The following PPFIBP1 variants were observed in gnomAD, a reference collection of about 807,000 sequenced individuals.
The protein encoded by PPFIBP1 is PPFIB scaffold protein 1.
A neutral mutation model predicts 137.8 loss-of-function variants in PPFIBP1; 112 were observed. The observed-to-expected ratio is 0.81, with a 90% CI of 0.70 to 0.95. The LOEUF is 0.95. PPFIBP1 is among the 40% of genes least tolerant of loss of function. The pLI is 0.00. For missense variants in PPFIBP1, 1,083 were observed against 1,196.6 expected (o/e 0.91, Z 1.40); for synonymous variants, 378 against 417.3 (o/e 0.91, Z 1.15).
intron 1 of PPFIBP1, among the ~76,000 whole-genome samples, chr12:27,525,709 A>C (rs1565701798): frequency 6.6e-6 from 1 of 152,124 alleles, no homozygotes; most frequent in Admixed American, 6.5e-5. Flanking sequence ...GAGATGGAGA[A>C]AGAAAGAAGC....
At chr12:27,608,631 GAAC>G (rs1319610947) in intron 2 of PPFIBP1, 11 of 411,512 alleles carry the variant, frequency 2.7e-5, no homozygotes, top group Non-Finnish European at 5.1e-5. Context: ...AATATTTCTA[GAAC>G]TACTAAAAAA....
intron 1 of PPFIBP1, among the ~76,000 whole-genome samples, chr12:27,555,051 A>G (rs1389416349): frequency 2.0e-5 from 3 of 152,116 alleles, no homozygotes; most frequent in Admixed American, 2.0e-4. Flanking sequence ...TGGGGCGTGC[A>G]TTCTTGTTCG....
intron 2 of PPFIBP1, among the ~76,000 whole-genome samples, chr12:27,616,878 A>G (rs1456986867): frequency 6.6e-6 from 1 of 152,176 alleles, no homozygotes; most frequent in East Asian, 1.9e-4. Flanking sequence ...AGAGTTTTAT[A>G]GGAATTTTTA....
chr12:27,550,759 G>T (rs1027998812), intron 1 of PPFIBP1, among the ~76,000 whole-genome samples: 1 of 152,072 alleles, frequency 6.6e-6, no homozygotes, highest in Admixed American at 6.6e-5. Context: ...CCCCATACTT[G>T]GCTGATTTCA....
At chr12:27,645,659 A>G (rs1470834804) in intron 4 of PPFIBP1, among the ~76,000 whole-genome samples, 1 of 152,236 alleles carries the variant, frequency 6.6e-6, no homozygotes, top group African/African-American at 2.4e-5. Context: ...CTGCGCTACC[A>G]GGGGAAGTCA....
chr12:27,559,400 C>T (rs933908861), intron 1 of PPFIBP1, among the ~76,000 whole-genome samples: 4 of 152,142 alleles, frequency 2.6e-5, no homozygotes, highest in African/African-American at 9.7e-5. Flanking sequence ...AACTCCTGAC[C>T]TCGTGATCCA....
intron 2 of PPFIBP1, among the ~76,000 whole-genome samples, chr12:27,631,131 A>T (rs139972144): frequency 9.2e-5 from 14 of 152,290 alleles, no homozygotes; most frequent in African/African-American, 3.1e-4. Flanking sequence ...GTTATAAAAC[A>T]TTATCACATT....
chr12:27,580,908 C>CT (rs112914040), intron 2 of PPFIBP1, among the ~76,000 whole-genome samples: 35,784 of 146,070 alleles, frequency 0.24, 4,950 homozygotes, highest in African/African-American at 0.4. Context: ...ACATTATACT[C>CT]TTTTTTTTTT....
intron 1 of PPFIBP1, among the ~76,000 whole-genome samples, chr12:27,573,471 AAGG>A (rs2050302487): frequency 6.6e-6 from 1 of 152,168 alleles, no homozygotes; most frequent in South Asian, 2.1e-4. Context: ...GTCTTTAACA[AAGG>A]GTACAGAATG....
intron 10 of PPFIBP1, among the ~76,000 whole-genome samples, chr12:27,659,660 TAAA>T (rs60576797): frequency 6.7e-6 from 1 of 149,432 alleles, no homozygotes; most frequent in Non-Finnish European, 1.5e-5. Flanking sequence ...CCCCATCTCT[TAAA>T]AAAAAAAAAA....
At chr12:27,540,546 C>T (rs939066410) in intron 1 of PPFIBP1, among the ~76,000 whole-genome samples, 2 of 151,482 alleles carry the variant, frequency 1.3e-5, no homozygotes, top group African/African-American at 2.4e-5. Context: ...TCAATTTTGA[C>T]GAGCATTTGT....
intron 2 of PPFIBP1, chr12:27,584,502 ATG>A (rs2051480468): frequency 6.6e-6 from 1 of 152,218 alleles, no homozygotes; most frequent in African/African-American, 2.4e-5. Context: ...GAAGGTACTA[ATG>A]TGGGGGTTGC....
At position 27,670,782 on chromosome 12, in the gene PPFIBP1, AAAAAAAAAAAAAAAT is replaced by A. The variant is rs1314854545; in HGVS notation, c.1147-646_1147-632del. On this transcript the variant is annotated intron_variant, in intron 13 of 29. Coordinates refer to ENST00000228425, the MANE Select transcript of PPFIBP1 (RefSeq NM_003622.4). ...TGACAAAGTGAGACCCTGTCTCAAAAAAAAAAAAAAAAAATAATAATAATAATAATAATAGAGTGT... is the reference window on the plus strand; with the variant it reads ...TGACAAAGTGAGACCCTGTCTCAAAAAATAATAATAATAATAATAGAGTGT... Among the ~76,000 whole-genome samples the A allele has an allele frequency of 1.6e-3, 220 of 139,214 alleles. 3 individuals carry two copies. Among genetic ancestry groups the A allele is most frequent in the African/African-American group, 5.4e-3 (202 of 37,162 alleles). The allele number at this position is 139,214 out of a possible 152,430, so 91.3% of individuals were successfully genotyped here. A position where few individuals can be genotyped will look rare whatever the true frequency, so the allele number is the denominator to read the frequency against.
At chr12:27,621,379 G>C (rs2056330087) in intron 2 of PPFIBP1, among the ~76,000 whole-genome samples, 1 of 152,156 alleles carries the variant, frequency 6.6e-6, no homozygotes, top group African/African-American at 2.4e-5. Flanking sequence ...CCTCCCTTCA[G>C]CCAGCAATTA....
intron 24 of PPFIBP1, among the ~76,000 whole-genome samples, chr12:27,686,798 C>T (rs530191631): frequency 2.0e-4 from 30 of 151,736 alleles, no homozygotes; most frequent in African/African-American, 4.1e-4. Flanking sequence ...GCTTTTTGGG[C>T]GGCTGAGGCC....
intron 4 of PPFIBP1, among the ~76,000 whole-genome samples, chr12:27,639,984 C>T (rs1444310314): frequency 1.3e-5 from 2 of 152,142 alleles, no homozygotes; most frequent in Non-Finnish European, 2.9e-5. Context: ...AATGTTTTCT[C>T]AGGCCTTGGC....
chr12:27,671,505 A>G lies in PPFIBP1; in HGVS notation c.1221A>G (p.Lys407=), dbSNP rs773846991. The change falls in exon 14 of 30, where the codon AAA becomes AAG. Residue 407 remains lysine (K), a synonymous_variant. Coordinates refer to ENST00000228425, the MANE Select transcript of PPFIBP1 (RefSeq NM_003622.4). ...CTGTAAGCATGGAAACTTCTGAAAA[A>G]TCAAAGTTGACTCCTAAGCCAGAGA... The part of the protein sequence containing the change: ...PATVSMETSE[K]SKLTPKPETS... 6.2e-7 allele frequency: 1 copy of G among 1,602,408 alleles called. No homozygotes were observed. The highest frequency in any genetic ancestry group is 1.7e-5 in the Admixed American group (1 of 57,816).
chr12:27,633,189 C>T (rs192248400), intron 2 of PPFIBP1, among the ~76,000 whole-genome samples, 173 bp from the exon 3 acceptor site: 7 of 152,244 alleles, frequency 4.6e-5, no homozygotes, highest in African/African-American at 1.7e-4. Flanking sequence ...ATACAGGTAT[C>T]GCATGTGGTC....
At chr12:27,616,704 A>G (rs1279475933) in intron 2 of PPFIBP1, among the ~76,000 whole-genome samples, 2 of 152,114 alleles carry the variant, frequency 1.3e-5, no homozygotes, top group Admixed American at 1.3e-4. Flanking sequence ...AAGGGCGGAG[A>G]CTCTTCCTGT....
Sources: allele counts gnomAD v4.1 joint callset (sites outside exome capture counted in the v4.1 genomes callset), GRCh38; gene constraint gnomAD v4.1.1; transcripts MANE v1.5; gene names NCBI Gene and HGNC (gene_info 2026-07-23, HGNC 2026-07-21).